GABRB1: variants seen among roughly 807,000 people sequenced by gnomAD.
GABRB1 encodes the protein gamma-aminobutyric acid type A receptor subunit beta1, also known as gamma-aminobutyric acid receptor subunit beta-1.
A neutral mutation model predicts 51.6 loss-of-function variants in GABRB1; 17 were observed. That is an observed-to-expected ratio of 0.33 (90% CI 0.23 to 0.49). The LOEUF is 0.49. Among genes scored for constraint, GABRB1 ranks in the 20% least tolerant of loss-of-function variants. GABRB1 has a pLI of 0.99. For missense variants in GABRB1, 410 were observed against 600.6 expected, an observed-to-expected ratio of 0.68 and a Z score of 3.32; for synonymous variants, 247 against 218.9, an observed-to-expected ratio of 1.13 and a Z score of -1.14.
intron 5 of GABRB1, among the ~76,000 whole-genome samples, chr4:47,349,771 A>G (rs1038200296): frequency 3.6e-4 from 55 of 152,358 alleles, no homozygotes; most frequent in African/African-American, 1.3e-3. Flanking sequence ...TAAGATTTAC[A>G]TGGCCTTCTA....
chr4:47,259,566 A>G (rs1722344554), intron 4 of GABRB1, among the ~76,000 whole-genome samples: 2 of 152,154 alleles, frequency 1.3e-5, no homozygotes, highest in Admixed American at 1.3e-4. Context: ...AGTCTGCTCA[A>G]CATCATACAA....
At chr4:47,264,628 C>G (rs555771747) in intron 4 of GABRB1, among the ~76,000 whole-genome samples, 1 of 152,152 alleles carries the variant, frequency 6.6e-6, no homozygotes, top group Non-Finnish European at 1.5e-5. Flanking sequence ...GCTTTTTTCT[C>G]TTTTAGAAAA....
chr4:47,265,105 C>A (rs915385005), intron 4 of GABRB1, among the ~76,000 whole-genome samples: 4 of 152,032 alleles, frequency 2.6e-5, no homozygotes, highest in Non-Finnish European at 5.9e-5. Context: ...AACCATCACT[C>A]CCCTCTCAAT....
chr4:47,130,325 C>CTGTG lies in GABRB1; in HGVS notation c.241-30873_241-30870dup, dbSNP rs67244692. 1.3e-3 allele frequency among the ~76,000 whole-genome samples: 170 copies of CTGTG among 133,732 alleles called. 1 individual carries two copies. The highest frequency in any genetic ancestry group is 7.5e-3 in the Middle Eastern group (2 of 268). The allele number at this position is 133,732 out of a possible 152,430, so 87.7% of individuals were successfully genotyped here. A position where few individuals can be genotyped will look rare whatever the true frequency, so the allele number is the denominator to read the frequency against. On this transcript the variant is annotated intron_variant, in intron 3 of 8. Transcript: ENST00000295454. ...CCCCATAATGTCTGGGCTCCAGATA[C>CTGTG]TGTGTGTGTGTGTGTGTGTGTGTGT...
chr4:47,187,386 G>A (rs552790672), intron 4 of GABRB1, among the ~76,000 whole-genome samples: 2 of 151,878 alleles, frequency 1.3e-5, no homozygotes, highest in Non-Finnish European at 2.9e-5. Context: ...GCATATCCAT[G>A]GTTACTCCCT....
chr4:47,022,337 T>C (rs1294829646), intron 1 of GABRB1, among the ~76,000 whole-genome samples: 2 of 152,132 alleles, frequency 1.3e-5, no homozygotes, highest in African/African-American at 4.8e-5. Context: ...GTTAGTTTTT[T>C]AGAGTATGAA....
intron 4 of GABRB1, among the ~76,000 whole-genome samples, chr4:47,256,630 A>G (rs937892258): frequency 6.6e-6 from 1 of 152,192 alleles, no homozygotes; most frequent in African/African-American, 2.4e-5. Context: ...GGAAACTTTC[A>G]ATCATGGTAG....
Position 47,164,552 on chromosome 4 carries a change from G to A in GABRB1, c.461+3083G>A, listed in dbSNP as rs562036126. On this transcript the variant is annotated intron_variant, in intron 4 of 8. Coordinates refer to ENST00000295454, the MANE Select transcript of GABRB1 (RefSeq NM_000812.4). ...GAACGGGTCCATATATTAATGAGCA[G>A]GTTTTAGCAATCATGGGATCAATGA... Among the ~76,000 whole-genome samples, 7 of 152,182 alleles carry A rather than the reference G, an allele frequency of 4.6e-5. No individual in the cohort carries two copies. The South Asian group carries it at 1.5e-3, about 32-fold the overall frequency.
intron 1 of GABRB1, among the ~76,000 whole-genome samples, chr4:46,997,529 C>T (rs867526137): frequency 2.0e-5 from 3 of 151,922 alleles, no homozygotes; most frequent in Non-Finnish European, 4.4e-5. Flanking sequence ...TTGGTAACTA[C>T]CATTCTACTC....
intron 3 of GABRB1, among the ~76,000 whole-genome samples, chr4:47,123,740 T>TATTAG (rs1332989676): frequency 6.7e-5 from 6 of 89,620 alleles, no homozygotes; most frequent in South Asian, 3.0e-4. Flanking sequence ...TCATATATTA[T>TATTAG]TATATATATA....
At chr4:47,164,026 G>A (rs1226428573) in intron 4 of GABRB1, among the ~76,000 whole-genome samples, 2 of 151,958 alleles carry the variant, frequency 1.3e-5, no homozygotes, top group Admixed American at 6.6e-5. Flanking sequence ...GGTGGCAGGT[G>A]GGAGAGAGAA....
intron 5 of GABRB1, among the ~76,000 whole-genome samples, chr4:47,364,720 G>A (rs1340032470): frequency 3.3e-5 from 5 of 151,814 alleles, no homozygotes; most frequent in Admixed American, 6.6e-5. Flanking sequence ...TAAAAAGCTG[G>A]AAACATGAAA....
At chr4:47,146,676 T>C (rs6853661) in intron 3 of GABRB1, among the ~76,000 whole-genome samples, 131,488 of 151,982 alleles carry the variant, frequency 0.87, 56,887 homozygotes, top group African/African-American at 0.9. Flanking sequence ...GCACACTGAG[T>C]GTAAGAATTG....
chr4:47,052,618 A>G (rs1460189001), intron 3 of GABRB1, among the ~76,000 whole-genome samples: 3 of 152,236 alleles, frequency 2.0e-5, no homozygotes, highest in Non-Finnish European at 4.4e-5. Flanking sequence ...GTGGAGTCCA[A>G]GAATTCAAGA....
intron 4 of GABRB1, among the ~76,000 whole-genome samples, chr4:47,284,011 T>C (rs1389604146): frequency 7.1e-6 from 1 of 141,008 alleles, no homozygotes. Flanking sequence ...GGCAGGAGAA[T>C]GGCGTGAACC....
intron 3 of GABRB1, among the ~76,000 whole-genome samples, chr4:47,098,284 T>C (rs1288588117): frequency 6.6e-6 from 1 of 152,056 alleles, no homozygotes; most frequent in African/African-American, 2.4e-5. Flanking sequence ...TAGGTCTTCC[T>C]TCCCCACCCC....
At chr4:47,303,454 CAA>C (rs1560324231) in intron 4 of GABRB1, among the ~76,000 whole-genome samples, 2 of 151,228 alleles carry the variant, frequency 1.3e-5, no homozygotes, top group Non-Finnish European at 3.0e-5. Flanking sequence ...GAAATAATAT[CAA>C]GTTACTTCTT....
intron 4 of GABRB1, among the ~76,000 whole-genome samples, chr4:47,217,780 C>A (rs970345050): frequency 2.0e-5 from 3 of 151,560 alleles, no homozygotes; most frequent in Non-Finnish European, 3.0e-5. Flanking sequence ...GTGAAATGAT[C>A]ACATTTTAGT....
At chr4:47,241,880 A>T (rs1291890775) in intron 4 of GABRB1, among the ~76,000 whole-genome samples, 4 of 151,582 alleles carry the variant, frequency 2.6e-5, no homozygotes, top group African/African-American at 9.7e-5. Context: ...ATTTCTTTTT[A>T]TTTTTTATTT....
Sources: gnomAD v4.1 joint callset for allele counts (sites outside exome capture counted in the v4.1 genomes callset) on GRCh38, gnomAD v4.1.1 for gene constraint, MANE v1.5 for transcripts, NCBI Gene and HGNC (gene_info 2026-07-23, HGNC 2026-07-21) for gene names.